Variants in CALM2 observed in about 807,000 individuals in gnomAD.
The protein encoded by CALM2 is calmodulin 2, also known as calmodulin-2.
CALM2 carries 2 observed loss-of-function variants against 19.8 expected under a neutral mutation model. That is an observed-to-expected ratio of 0.10 (90% CI 0.04 to 0.32). CALM2 has a LOEUF of 0.32. CALM2 is among the 10% of genes least tolerant of loss of function. The probability of loss-of-function intolerance (pLI) is 1.00; values close to 1 mark genes in which losing one functional copy is unlikely to be tolerated. For missense variants in CALM2, 38 were observed against 178.7 expected, an observed-to-expected ratio of 0.21 and a Z score of 4.49; for synonymous variants, 51 against 52.1, an observed-to-expected ratio of 0.98 and a Z score of 0.09.
chr2:47,173,907 A>C (rs1431353577), intron 1 of CALM2: 1 of 152,230 alleles, frequency 6.6e-6, no homozygotes, highest in African/African-American at 2.4e-5. Flanking sequence ...CTCTCACCAA[A>C]AGATCACTGG....
intron 1 of CALM2, chr2:47,173,749 T>C (rs1422662283): frequency 1.3e-5 from 2 of 152,262 alleles, no homozygotes; most frequent in Non-Finnish European, 2.9e-5. Flanking sequence ...CATCAGGTGC[T>C]ACTTTGATAC....
upstream of CALM2, chr2:47,176,607 G>A: frequency 1.0e-5 from 16 of 1,528,550 alleles, no homozygotes; most frequent in Non-Finnish European, 1.4e-5. Context: ...ACGAGTCCCG[G>A]CCAACCCCCT....
chr2:47,175,290 G>A lies in CALM2; in HGVS notation c.3+1151C>T, dbSNP rs113891485. ...TCGTTTTCAAAGCAGCAGAAGGGGA[G>A]CAATGTTTTTATGTGGTCGTGGTTC... On this transcript the variant is annotated intron_variant, in intron 1 of 5. Coordinates refer to ENST00000272298, the MANE Select transcript of CALM2 (RefSeq NM_001743.6). Among the ~76,000 whole-genome samples, 445 of 152,274 alleles carry A rather than the reference G, an allele frequency of 2.9e-3. 2 individuals carry two copies. Among genetic ancestry groups the A allele is most frequent in the African/African-American group, 0.01 (431 of 41,552 alleles).
intron 5 of CALM2, 142 bp from the exon 6 acceptor site, chr2:47,160,946 G>A (rs910535353): frequency 1.8e-6 from 1 of 543,220 alleles, no homozygotes; most frequent in East Asian, 3.1e-5. Flanking sequence ...AGTACAGAGG[G>A]AAGCTAGTTT....
intron 2 of CALM2, among the ~76,000 whole-genome samples, chr2:47,167,214 T>C (rs1036721561): frequency 3.3e-5 from 5 of 152,160 alleles, no homozygotes; most frequent in African/African-American, 1.2e-4. Context: ...CAAACAAATT[T>C]GGACCTTGAA....
At chr2:47,175,108 A>C in intron 1 of CALM2, among the ~76,000 whole-genome samples, 1 of 62,718 alleles carries the variant, frequency 1.6e-5, no homozygotes, top group African/African-American at 1.3e-4. Context: ...TCAGGAAAGA[A>C]CATGATCTCC....
At chr2:47,162,453 G>C (rs116054300) in intron 3 of CALM2, 61 bp from the exon 4 acceptor site, 1 of 1,608,922 alleles carries the variant, frequency 6.2e-7, no homozygotes, top group African/African-American at 1.3e-5. Flanking sequence ...AACAGCAAAG[G>C]TTTAGTGGAA....
chr2:47,174,806 T>C (rs2103854092), intron 1 of CALM2, among the ~76,000 whole-genome samples: 1 of 152,276 alleles, frequency 6.6e-6, no homozygotes, highest in Non-Finnish European at 1.5e-5. Flanking sequence ...TGCCTGTAAC[T>C]ACATCTTTAA....
At chr2:47,176,798 G>A (rs2103859937), upstream of CALM2, 1 of 985,444 alleles carries the variant, frequency 1.0e-6, no homozygotes, top group African/African-American at 1.7e-5. Flanking sequence ...TCGTGGCGGC[G>A]ATGCGTCCCC....
intron 2 of CALM2, 172 bp from the exon 3 acceptor site, chr2:47,162,834 A>C: frequency 1.9e-6 from 1 of 520,488 alleles, no homozygotes; most frequent in Non-Finnish European, 3.4e-6. Context: ...AAACCCAAAA[A>C]CTTTTAACGG....
chr2:47,170,681 A>G (rs1265155409), intron 2 of CALM2, 53 bp downstream of exon 2: 8 of 1,385,172 alleles, frequency 5.8e-6, no homozygotes, highest in Non-Finnish European at 8.2e-6. Flanking sequence ...GACGTTGGCT[A>G]TTCAATTTAT....
At chr2:47,162,249 C>A in intron 4 of CALM2, 37 bp downstream of exon 4, 1 of 1,057,230 alleles carries the variant, frequency 9.5e-7, no homozygotes, top group Non-Finnish European at 1.3e-6. Flanking sequence ...ATCTTCATTT[C>A]ATCCTCAAAA....
chr2:47,173,698 C>T (rs1254094833), intron 1 of CALM2: 4 of 152,174 alleles, frequency 2.6e-5, no homozygotes, highest in East Asian at 1.9e-4. Context: ...TGAAATGGAA[C>T]GCAAACTGCT....
intron 3 of CALM2, 49 bp from the exon 4 acceptor site, chr2:47,162,441 CA>C: frequency 6.2e-7 from 1 of 1,607,224 alleles, no homozygotes; most frequent in South Asian, 1.1e-5. Flanking sequence ...AACATATAAG[CA>C]AACAGCAAAG....
At chr2:47,172,808 G>T (rs111988058) in intron 1 of CALM2, 24 of 2,748 alleles carry the variant, frequency 8.7e-3, no homozygotes, top group African/African-American at 0.015. Flanking sequence ...TACATGGGTT[G>T]GGGGGGGGGG....
intron 2 of CALM2, among the ~76,000 whole-genome samples, chr2:47,168,692 C>A (rs767528044): frequency 2.0e-5 from 3 of 151,754 alleles, no homozygotes; most frequent in Admixed American, 1.3e-4. Flanking sequence ...CCAGCCTGGG[C>A]AACAAGAGTG....
intron 4 of CALM2, 89 bp downstream of exon 4, chr2:47,162,197 A>AC: frequency 2.2e-6 from 1 of 462,374 alleles, no homozygotes; most frequent in Admixed American, 4.5e-5. Context: ...AAAAAAAAAA[A>AC]AAACAACCAA....
At chr2:47,160,849 C>G in intron 5 of CALM2, 45 bp from the exon 6 acceptor site, 1 of 342,432 alleles carries the variant, frequency 2.9e-6, no homozygotes. Flanking sequence ...TAGCAAAAGA[C>G]CAAAAAAAAA....
chr2:47,172,389 G>T, intron 1 of CALM2: 1 of 588,288 alleles, frequency 1.7e-6, no homozygotes, highest in Non-Finnish European at 3.0e-6. Context: ...AACTTCATTT[G>T]TAGCACAAGA....
Sources: allele counts gnomAD v4.1 joint callset (sites outside exome capture counted in the v4.1 genomes callset), GRCh38; gene constraint gnomAD v4.1.1; transcripts MANE v1.5; gene names NCBI Gene and HGNC (gene_info 2026-07-23, HGNC 2026-07-21).